Variants in ZBTB40 observed in about 807,000 individuals in gnomAD.
ZBTB40 encodes zinc finger and BTB domain containing 40, also known as zinc finger and BTB domain-containing protein 40.
Under a neutral mutation model 117.5 loss-of-function variants are expected in ZBTB40, and 60 were observed. The observed-to-expected ratio is 0.51, with a 90% CI of 0.41 to 0.63. The LOEUF (loss-of-function observed/expected upper bound fraction) is 0.63. ZBTB40 is among the 30% of genes least tolerant of loss of function. The pLI, the probability that ZBTB40 is intolerant of heterozygous loss-of-function variation, is 0.00. For synonymous variants in ZBTB40, 525 were observed against 577.1 expected, an observed-to-expected ratio of 0.91 and a Z score of 1.29; for missense variants, 1,287 against 1,498.5, an observed-to-expected ratio of 0.86 and a Z score of 2.33.
intron 13 of ZBTB40, chr1:22,519,557 C>T (rs1639464635): frequency 4.9e-6 from 1 of 203,182 alleles, no homozygotes; most frequent in South Asian, 9.3e-5. Context: ...TAGAATATGC[C>T]TGTCATAGAG....
At chr1:22,485,718 G>A (rs1195193681) in intron 1 of ZBTB40, among the ~76,000 whole-genome samples, 1 of 152,074 alleles carries the variant, frequency 6.6e-6, no homozygotes, top group Non-Finnish European at 1.5e-5. Flanking sequence ...TCTTCCCACT[G>A]TTAGATATTC....
chr1:22,491,563 G>A, intron 3 of ZBTB40, 30 bp downstream of exon 3: 1 of 1,612,616 alleles, frequency 6.2e-7, no homozygotes, highest in Admixed American at 1.7e-5. Context: ...GTACTTGTTT[G>A]CTAGTTTAGT....
chr1:22,473,924 A>G (rs141785765), intron 1 of ZBTB40, among the ~76,000 whole-genome samples: 14 of 152,292 alleles, frequency 9.2e-5, no homozygotes, highest in African/African-American at 3.4e-4. Flanking sequence ...GGCAGTTAAC[A>G]TCTCGGAGCC....
chr1:22,510,894 A>G (rs1011599992), intron 9 of ZBTB40, among the ~76,000 whole-genome samples: 4 of 152,202 alleles, frequency 2.6e-5, no homozygotes, highest in African/African-American at 9.6e-5. Flanking sequence ...CTAGTTTCTG[A>G]TAAGCTATTT....
At chr1:22,523,091 G>A (rs1639584026) in intron 16 of ZBTB40, among the ~76,000 whole-genome samples, 1 of 151,642 alleles carries the variant, frequency 6.6e-6, no homozygotes, top group African/African-American at 2.4e-5. Context: ...GGGACTACAG[G>A]CGCCCACCAC....
intron 9 of ZBTB40, among the ~76,000 whole-genome samples, chr1:22,509,853 C>G (rs930347388): frequency 6.6e-6 from 1 of 152,184 alleles, no homozygotes; most frequent in African/African-American, 2.4e-5. Flanking sequence ...ATGACTCAAA[C>G]CAATTTATTC....
chr1:22,489,817 C>A, intron 1 of ZBTB40, 63 bp from the exon 2 acceptor site: 1 of 828,650 alleles, frequency 1.2e-6, no homozygotes, highest in Non-Finnish European at 2.0e-6. Flanking sequence ...TTTAGCGTTT[C>A]ATTCAAGGCC....
At chr1:22,507,887 G>T (rs1365638860) in intron 6 of ZBTB40, 114 bp from the exon 7 acceptor site, 9 of 1,481,192 alleles carry the variant, frequency 6.1e-6, no homozygotes. Flanking sequence ...CTCTGCAGAG[G>T]ACACTGAGCC....
chr1:22,490,517 C>A lies in ZBTB40; in HGVS notation c.569C>A (p.Ser190Tyr), dbSNP rs769293846. 80 of 1,606,182 alleles carry A rather than the reference C, an allele frequency of 5.0e-5. No homozygotes were observed. The South Asian group carries it at 7.6e-4, about 15-fold the overall frequency. ...HSVSQEMSVN[S>Y]PTAQESQRNA... ...GTTTCACAAGAGATGAGTGTGAATT[C>A]TCCCACAGCCCAGGAGAGCCAGAGG... is the stretch of plus-strand genomic sequence containing the variant. Residue 190 changes from serine to tyrosine, a missense_variant, in exon 2 of 18, where the codon TCT becomes TAT. This residue lies in a region of ZBTB40 where 870 missense variants were observed against 934.4 expected (regional missense o/e 0.93). Transcript: ENST00000375647.
rs143499722 is a variant in ZBTB40 at position 22,458,802 on chromosome 1, G to A, written c.-70+6798G>A. Among the ~76,000 whole-genome samples, 140 of 152,278 alleles carry A rather than the reference G, an allele frequency of 9.2e-4. 3 individuals are homozygous for A. The East Asian group carries it at 0.024, about 26-fold the overall frequency. ...GATGGGGTTTCACCATGTTGCCCAG[G>A]CTGGTCTTGAACTCCTGGCCTCAAG... is the stretch of plus-strand genomic sequence containing the variant. On this transcript the variant is annotated intron_variant, in intron 1 of 17. Transcript: ENST00000375647.
intron 1 of ZBTB40, among the ~76,000 whole-genome samples, chr1:22,430,865 C>A (rs1008934848): frequency 6.6e-6 from 1 of 151,988 alleles, no homozygotes; most frequent in African/African-American, 2.4e-5. Context: ...TATTAGTTCC[C>A]ACTTCTACTG....
At chr1:22,502,136 A>G (rs1037896802) in intron 4 of ZBTB40, among the ~76,000 whole-genome samples, 163 bp from the exon 5 acceptor site, 2 of 152,252 alleles carry the variant, frequency 1.3e-5, no homozygotes, top group African/African-American at 4.8e-5. Flanking sequence ...TTTAAACAGA[A>G]TAATAAAGTA....
intron 3 of ZBTB40, among the ~76,000 whole-genome samples, chr1:22,496,829 A>G (rs946327710): frequency 2.0e-5 from 3 of 152,224 alleles, no homozygotes; most frequent in Non-Finnish European, 4.4e-5. Context: ...GGCCAAAGCC[A>G]TGGTAGGTGG....
intron 1 of ZBTB40, among the ~76,000 whole-genome samples, chr1:22,434,223 A>G (rs911561876): frequency 6.6e-5 from 10 of 152,204 alleles, no homozygotes; most frequent in Non-Finnish European, 1.5e-4. Context: ...TTGAGTATTT[A>G]TAAGTCATTT....
At chr1:22,477,468 G>GT (rs1171918174) in intron 1 of ZBTB40, among the ~76,000 whole-genome samples, 1 of 152,086 alleles carries the variant, frequency 6.6e-6, no homozygotes, top group African/African-American at 2.4e-5. Flanking sequence ...GGCCAACGTG[G>GT]TGAAACCCCG....
chr1:22,524,099 C>T (rs1011342736), intron 16 of ZBTB40, 119 bp from the exon 17 acceptor site: 25 of 944,578 alleles, frequency 2.6e-5, no homozygotes, highest in Middle Eastern at 2.1e-4. Context: ...AAATGTGGAT[C>T]CGCCTCCAAG....
chr1:22,436,174 A>G (rs1640667420), intron 1 of ZBTB40, among the ~76,000 whole-genome samples: 1 of 151,408 alleles, frequency 6.6e-6, no homozygotes, highest in African/African-American at 2.4e-5. Context: ...AAGTGTTTAA[A>G]CAAGAGAAAT....
At chr1:22,500,545 A>G (rs1444485307) in intron 3 of ZBTB40, among the ~76,000 whole-genome samples, 1 of 152,270 alleles carries the variant, frequency 6.6e-6, no homozygotes, top group East Asian at 1.9e-4. Flanking sequence ...CCAGTGGGAA[A>G]GGCTGAAAAG....
At chr1:22,430,811 T>C (rs1247706022) in intron 1 of ZBTB40, among the ~76,000 whole-genome samples, 1 of 152,128 alleles carries the variant, frequency 6.6e-6, no homozygotes, top group Admixed American at 6.6e-5. Flanking sequence ...CATGGGTTAA[T>C]TAGAGATATA....
Sources: allele counts gnomAD v4.1 joint callset (sites outside exome capture counted in the v4.1 genomes callset), GRCh38; gene constraint gnomAD v4.1.1; regional missense constraint gnomAD v4.1.1; transcripts MANE v1.5; gene names NCBI Gene and HGNC (gene_info 2026-07-23, HGNC 2026-07-21).